The following XPO4 variants were observed in gnomAD, a reference collection of about 807,000 sequenced individuals.
The protein encoded by XPO4 is exportin-4.
XPO4 carries 39 observed loss-of-function variants against 143.0 expected under a neutral mutation model. The ratio of observed to expected loss-of-function variants is 0.27; its 90% CI spans 0.21 to 0.36. The LOEUF (loss-of-function observed/expected upper bound fraction) is 0.36, where lower values mean the gene tolerates loss of function less well. Among genes scored for constraint, XPO4 ranks in the 10% least tolerant of loss-of-function variants. XPO4 has a pLI of 1.00. For missense variants in XPO4, 907 were observed against 1,348.0 expected (o/e 0.67, Z 5.12); for synonymous variants, 439 against 474.0 (o/e 0.93, Z 0.96).
In XPO4 at chr13:20,787,500, G is replaced by A. The variant is rs756441691; in HGVS notation, c.3146C>T (p.Ala1049Val). 2 of 1,614,198 alleles carry A rather than the reference G, an allele frequency of 1.2e-6. No homozygotes were observed. Among genetic ancestry groups the A allele is most frequent in the Non-Finnish European group, 1.7e-6 (2 of 1,180,008 alleles). ...TCTTACCTTAAGAAAGTGCCGTGTT[G>A]CTAGAAAAAGTGGTGAGTCTGTTTC... ...AQETDSPLFLATRHFLKLVFD... is the reference protein window; with the variant it reads ...AQETDSPLFLVTRHFLKLVFD... Residue 1049 changes from alanine to valine, a missense_variant, in exon 21 of 23, where the codon GCA (alanine) becomes GTA (valine). By Grantham distance (64) the Ala-to-Val change is moderately conservative (BLOSUM62 0). Coordinates refer to ENST00000255305, the MANE Select transcript of XPO4 (RefSeq NM_022459.5).
chr13:20,896,563 C>G (rs1566632906), intron 1 of XPO4, among the ~76,000 whole-genome samples: 1 of 152,086 alleles, frequency 6.6e-6, no homozygotes, highest in African/African-American at 2.4e-5. Context: ...AATCTTGCAA[C>G]CCATTTATTT....
In XPO4 at chr13:20,783,773, C is replaced by T. The variant is rs199561217; in HGVS notation, c.3405G>A (p.Lys1135=). 1 of 1,614,212 alleles carries T rather than the reference C, an allele frequency of 6.2e-7. No individual in the cohort carries two copies. The highest frequency in any genetic ancestry group is 1.3e-5 in the African/African-American group (1 of 75,050). The part of the protein sequence containing the change: ...LDRKQKMAFL[K]SLEEFMANVG... Reference sequence around the variant, plus strand: ...CATTTGCCATAAATTCTTCTAAACTCTTTAAGAAGGCCATCTTCTGCTTCC... The same window carrying T: ...CATTTGCCATAAATTCTTCTAAACTTTTTAAGAAGGCCATCTTCTGCTTCC... Residue 1135 remains lysine, a synonymous_variant, in exon 23 of 23, where the codon AAG becomes AAA. Coordinates refer to ENST00000255305, the MANE Select transcript of XPO4 (RefSeq NM_022459.5).
intron 3 of XPO4, among the ~76,000 whole-genome samples, chr13:20,858,905 T>G (rs1338028415): frequency 1.7e-4 from 4 of 24,228 alleles, no homozygotes; most frequent in Non-Finnish European, 3.0e-4. Context: ...TTAAAATATA[T>G]ATATATATGT....
At chr13:20,872,734 C>T (rs1395685497) in intron 1 of XPO4, among the ~76,000 whole-genome samples, 3 of 152,068 alleles carry the variant, frequency 2.0e-5, no homozygotes, top group Non-Finnish European at 4.4e-5. Flanking sequence ...AGAAGCAGAG[C>T]TGAAAATTAA....
At chr13:20,865,065 C>T (rs1019313912) in intron 2 of XPO4, among the ~76,000 whole-genome samples, 1 of 151,924 alleles carries the variant, frequency 6.6e-6, no homozygotes, top group African/African-American at 2.4e-5. Context: ...TACATATGAG[C>T]TTTACTTTCG....
At chr13:20,896,546 T>C (rs2060571394) in intron 1 of XPO4, among the ~76,000 whole-genome samples, 1 of 152,220 alleles carries the variant, frequency 6.6e-6, no homozygotes, top group Non-Finnish European at 1.5e-5. Flanking sequence ...ACTGCTGATA[T>C]AAAGGAAATC....
chr13:20,826,570 TCTGA>T (rs1339261683), intron 7 of XPO4, among the ~76,000 whole-genome samples: 1 of 152,250 alleles, frequency 6.6e-6, no homozygotes, highest in African/African-American at 2.4e-5. Flanking sequence ...GGTAAGATAA[TCTGA>T]CTGTCTTCTA....
intron 4 of XPO4, among the ~76,000 whole-genome samples, chr13:20,855,381 G>C (rs928717936): frequency 1.3e-5 from 2 of 151,010 alleles, no homozygotes; most frequent in Non-Finnish European, 2.9e-5. Flanking sequence ...CTTGAACCCG[G>C]AAGGCAGAGG....
At chr13:20,899,930 G>A (rs1044600571) in intron 1 of XPO4, among the ~76,000 whole-genome samples, 2 of 152,170 alleles carry the variant, frequency 1.3e-5, no homozygotes, top group Admixed American at 1.3e-4. Context: ...ATTAGCCAAA[G>A]ATGAATTAAT....
chr13:20,901,830 A>G (rs1304569527), intron 1 of XPO4, among the ~76,000 whole-genome samples: 1 of 152,238 alleles, frequency 6.6e-6, no homozygotes, highest in African/African-American at 2.4e-5. Flanking sequence ...CAAAACATCT[A>G]CAAACACCGA....
Position 20,797,002 on chromosome 13 carries a change from T to C in XPO4, c.2378A>G (p.Gln793Arg). ...GACTTCCTCTTGCTGACACATCTGC[T>C]GGAAGTTTTCTTGGTTTATCACTCT... is the stretch of plus-strand genomic sequence containing the variant. The part of the protein sequence containing the change: ...FLRVINQENF[Q>R]QMCQQEEVKQ... Residue 793 changes from glutamine to arginine, a missense_variant, in exon 17 of 23, where the codon CAG (glutamine) becomes CGG (arginine). Physicochemically the swap from Gln to Arg is conservative, Grantham distance 43. Transcript: ENST00000255305. The C allele has an allele frequency of 6.2e-7, 1 of 1,612,646 alleles. No homozygotes were observed. The highest frequency in any genetic ancestry group is 1.7e-4 in the Middle Eastern group (1 of 6,052).
chr13:20,822,130 A>G lies in XPO4; in HGVS notation c.998+2T>C. 1 of 1,608,776 alleles carries G rather than the reference A, an allele frequency of 6.2e-7. No individual in the cohort carries two copies. Among genetic ancestry groups the G allele is most frequent in the Non-Finnish European group, 8.5e-7 (1 of 1,177,564 alleles). On this transcript the variant is annotated splice_donor_variant, in intron 8 of 22. Transcript: ENST00000255305. LOFTEE classifies it high-confidence loss of function. ...TCAGCTGCAAAGGGCAAGTATACCTACCCATTGATAGTATTCAGTAATCCC... is the reference window on the plus strand; with the variant it reads ...TCAGCTGCAAAGGGCAAGTATACCTGCCCATTGATAGTATTCAGTAATCCC...
intron 2 of XPO4, chr13:20,866,376 G>A: frequency 5.1e-6 from 5 of 984,748 alleles, no homozygotes; most frequent in Non-Finnish European, 6.0e-6. Context: ...ATTTTAAGAG[G>A]CCAGAAAAGG....
At chr13:20,851,734 A>T in intron 4 of XPO4, 3 of 960,916 alleles carry the variant, frequency 3.1e-6, no homozygotes, top group Non-Finnish European at 3.7e-6. Flanking sequence ...AAAAAAAGAA[A>T]GAAAGAAAGA....
Position 20,797,003 on chromosome 13 carries a change from G to C in XPO4, c.2377C>G (p.Gln793Glu), listed in dbSNP as rs2059366785. ...ACTTCCTCTTGCTGACACATCTGCT[G>C]GAAGTTTTCTTGGTTTATCACTCTT... The part of the protein sequence containing the change: ...FLRVINQENF[Q>E]QMCQQEEVKQ... Residue 793 changes from glutamine to glutamate, a missense_variant, in exon 17 of 23, where the codon CAG becomes GAG. Physicochemically the swap from Gln to Glu is conservative, Grantham distance 29 (BLOSUM62 2). Coordinates refer to ENST00000255305, the MANE Select transcript of XPO4 (RefSeq NM_022459.5). 1 of 1,612,282 alleles carries C rather than the reference G, an allele frequency of 6.2e-7. No individual in the cohort carries two copies. The highest frequency in any genetic ancestry group is 1.3e-5 in the African/African-American group (1 of 74,972).
At chr13:20,800,456 G>A (rs538757998) in intron 14 of XPO4, 131 bp from the exon 15 acceptor site, 29 of 822,694 alleles carry the variant, frequency 3.5e-5, no homozygotes, top group African/African-American at 3.5e-4. Flanking sequence ...CTTTACACAT[G>A]TACTCATTTC....
At chr13:20,870,758 A>G (rs2060289365) in intron 1 of XPO4, among the ~76,000 whole-genome samples, 1 of 151,106 alleles carries the variant, frequency 6.6e-6, no homozygotes, top group African/African-American at 2.4e-5. Flanking sequence ...ACAGCAAACT[A>G]TATTCTAGAA....
chr13:20,851,075 C>T (rs1391324514), intron 4 of XPO4: 59 of 985,154 alleles, frequency 6.0e-5, no homozygotes, highest in Non-Finnish European at 7.0e-5. Context: ...AGGTTTTAAT[C>T]ATCTTGTTCA....
At chr13:20,895,723 G>A (rs2060562683) in intron 1 of XPO4, among the ~76,000 whole-genome samples, 1 of 151,914 alleles carries the variant, frequency 6.6e-6, no homozygotes, top group Non-Finnish European at 1.5e-5. Context: ...AAACAGAAAT[G>A]GGATCATATA....
Sources: allele counts gnomAD v4.1 joint callset (sites outside exome capture counted in the v4.1 genomes callset), GRCh38; gene constraint gnomAD v4.1.1; transcripts MANE v1.5; gene names NCBI Gene and HGNC (gene_info 2026-07-23, HGNC 2026-07-21).